Variants in NTN1 observed in about 807,000 individuals in gnomAD.
NTN1 encodes netrin-1.
Under a neutral mutation model 54.2 loss-of-function variants are expected in NTN1, and 11 were observed. That is an observed-to-expected ratio of 0.20 (90% CI 0.13 to 0.34). The LOEUF (loss-of-function observed/expected upper bound fraction) is 0.34, where lower values mean the gene tolerates loss of function less well. Among genes scored for constraint, NTN1 ranks in the 10% least tolerant of loss-of-function variants. The pLI is 1.00. For missense variants in NTN1, 740 were observed against 893.1 expected (o/e 0.83, Z 2.18); for synonymous variants, 371 against 382.0 (o/e 0.97, Z 0.33).
At chr17:9,007,809 G>T in the NTN1 span, among the ~76,000 whole-genome samples, 1 of 151,916 alleles carries the variant, frequency 6.6e-6, no homozygotes, top group Admixed American at 6.6e-5. Flanking sequence ...ATGCCTCATT[G>T]TAACCTCCAA....
rs867516302 is a variant in NTN1, at chr17:9,022,588, G to A, written c.215G>A (p.Arg72Gln). 3 of 1,545,720 alleles carry A rather than the reference G, an allele frequency of 1.9e-6. No individual in the cohort carries two copies. Among genetic ancestry groups the A allele is most frequent in the South Asian group, 1.2e-5 (1 of 84,132 alleles). Residue 72 changes from arginine to glutamine, a missense_variant, in exon 2 of 7, where the codon CGG (arginine) becomes CAG (glutamine). Coordinates refer to ENST00000173229, the MANE Select transcript of NTN1 (RefSeq NM_004822.3). ...GTGCGCGTGTCCAGCACCTGCGGCCGGCCCCCGGCGCGCTACTGCGTGGTG... is the reference window on the plus strand; with the variant it reads ...GTGCGCGTGTCCAGCACCTGCGGCCAGCCCCCGGCGCGCTACTGCGTGGTG... Reference protein sequence around the residue: ...KDVRVSSTCGRPPARYCVVSE... With the variant: ...KDVRVSSTCGQPPARYCVVSE...
chr17:9,209,059 C>G lies in NTN1; in HGVS notation c.1412-12109C>G, dbSNP rs1234244893. Among the ~76,000 whole-genome samples, 3 of 152,250 alleles carry G rather than the reference C, an allele frequency of 2.0e-5. No individual in the cohort carries two copies. The East Asian group carries it at 5.8e-4, about 29-fold the overall frequency. On this transcript the variant is annotated intron_variant, in intron 5 of 6. Coordinates refer to ENST00000173229, the MANE Select transcript of NTN1 (RefSeq NM_004822.3). ...CCTGGAGCCCATCACATGCAGTTGG[C>G]AGCACCTTCTCATCCTTCAGGACAC...
chr17:9,053,898 A>G (rs1343101324), intron 2 of NTN1, among the ~76,000 whole-genome samples: 2 of 152,194 alleles, frequency 1.3e-5, no homozygotes, highest in Non-Finnish European at 2.9e-5. Flanking sequence ...GGGCTCATGA[A>G]GGTGGGCCAT....
chr17:9,085,632 G>C (rs2142228191), intron 2 of NTN1, among the ~76,000 whole-genome samples: 1 of 152,320 alleles, frequency 6.6e-6, no homozygotes, highest in East Asian at 1.9e-4. Flanking sequence ...TCTAGCCTCA[G>C]TGACTTCGTC....
At chr17:9,150,884 C>T (rs1414284637) in intron 2 of NTN1, among the ~76,000 whole-genome samples, 1 of 152,208 alleles carries the variant, frequency 6.6e-6, no homozygotes, top group Admixed American at 6.5e-5. Flanking sequence ...GTGCCCGGCA[C>T]AGCGGGAGAA....
chr17:9,201,904 C>T (rs1214901005), intron 5 of NTN1, among the ~76,000 whole-genome samples: 6 of 151,166 alleles, frequency 4.0e-5, no homozygotes, highest in South Asian at 4.2e-4. Flanking sequence ...AATAAAAGAC[C>T]GGGCCGGGCG....
intron 2 of NTN1, among the ~76,000 whole-genome samples, chr17:9,060,334 T>G (rs925833082): frequency 1.3e-5 from 2 of 152,240 alleles, no homozygotes; most frequent in African/African-American, 4.8e-5. Flanking sequence ...CATGTTTTAT[T>G]GTAAGAATAC....
Position 9,023,132 on chromosome 17 carries a change from C to G in NTN1, c.759C>G (p.Arg253=). The change falls in exon 2 of 7, where the codon CGC becomes CGG. Residue 253 remains arginine, a synonymous_variant. Transcript: ENST00000173229. ...TATDIRVAFS[R]LHTFGDENED... is the part of the protein sequence containing the mutation. ...CAGACATCCGCGTGGCCTTCAGCCG[C>G]CTGCACACGTTCGGCGACGAGAACG... The G allele has an allele frequency of 6.4e-7, 1 of 1,564,738 alleles. No individual in the cohort carries two copies. Among genetic ancestry groups the G allele is most frequent in the Non-Finnish European group, 8.7e-7 (1 of 1,154,084 alleles).
Position 9,212,545 on chromosome 17 carries a change from G to A in NTN1, c.1412-8623G>A, listed in dbSNP as rs765847792. Among the ~76,000 whole-genome samples, 3 of 152,220 alleles carry A rather than the reference G, an allele frequency of 2.0e-5. No homozygotes were observed. The highest frequency in any genetic ancestry group is 2.9e-5 in the Non-Finnish European group (2 of 68,034). Reference sequence around the variant, plus strand: ...TGCTGGTGGGCAGAATGGCCCAGCCGAAATGGACAGAGCTGGCTGGGTGCC... The same window carrying A: ...TGCTGGTGGGCAGAATGGCCCAGCCAAAATGGACAGAGCTGGCTGGGTGCC... On this transcript the variant is annotated intron_variant, in intron 5 of 6. Transcript: ENST00000173229. The surrounding 1 kb of genome is among the most constrained non-coding windows in gnomAD (Gnocchi z 5.5).
chr17:9,040,498 C>T (rs1010212288), intron 2 of NTN1, among the ~76,000 whole-genome samples: 9 of 151,978 alleles, frequency 5.9e-5, no homozygotes, highest in East Asian at 1.9e-4. Context: ...CTTTTTAATT[C>T]GTTCTCACAG....
intron 2 of NTN1, among the ~76,000 whole-genome samples, chr17:9,113,929 G>C (rs548276576): frequency 6.6e-6 from 1 of 151,660 alleles, no homozygotes; most frequent in African/African-American, 2.4e-5. Flanking sequence ...TTGGGAGGCC[G>C]AGGTGGGCGG....
At chr17:9,049,514 C>T (rs2091952908) in intron 2 of NTN1, among the ~76,000 whole-genome samples, 1 of 152,156 alleles carries the variant, frequency 6.6e-6, no homozygotes, top group African/African-American at 2.4e-5. Context: ...GATATGATGG[C>T]CCAGGAAGAA....
At chr17:9,225,853 GA>G (rs1466767751) in intron 6 of NTN1, among the ~76,000 whole-genome samples, 1 of 152,248 alleles carries the variant, frequency 6.6e-6, no homozygotes, top group Non-Finnish European at 1.5e-5. Context: ...AGCCGCTAAT[GA>G]GAACCTGGGG....
intron 2 of NTN1, among the ~76,000 whole-genome samples, chr17:9,101,465 C>T (rs763016557): frequency 6.6e-5 from 10 of 152,176 alleles, no homozygotes; most frequent in Non-Finnish European, 1.3e-4. Context: ...TTTGTATCTG[C>T]CACTGCCAAC....
chr17:9,140,628 C>T (rs192170617), intron 2 of NTN1, among the ~76,000 whole-genome samples: 1 of 152,246 alleles, frequency 6.6e-6, no homozygotes, highest in East Asian at 1.9e-4. Context: ...GTGAAAAGTC[C>T]AACAGGAGTT....
In NTN1 at chr17:9,183,200, C is replaced by T. The variant is rs576030790; in HGVS notation, c.1411+231C>T. On this transcript the variant is annotated intron_variant, in intron 5 of 6. Coordinates refer to ENST00000173229, the MANE Select transcript of NTN1 (RefSeq NM_004822.3). ...GAGGAGATTTTAATGATGCCTCTCT[C>T]CCAAGCCTGGAACCCTAAAAACTGA... is the stretch of plus-strand genomic sequence containing the variant. 66 of 691,852 alleles carry T rather than the reference C, an allele frequency of 9.5e-5. No homozygotes were observed. In the African/African-American group the frequency reaches 1.0e-3, roughly 11 times the overall value. The allele number at this position is 691,852 out of a possible 1,614,324, so 42.9% of individuals were successfully genotyped here. A position where few individuals can be genotyped will look rare whatever the true frequency, so the allele number is the denominator to read the frequency against.
chr17:9,008,017 G>T, the NTN1 span, among the ~76,000 whole-genome samples: 2 of 151,964 alleles, frequency 1.3e-5, no homozygotes, highest in Non-Finnish European at 2.9e-5. Context: ...TACTGGAATG[G>T]CAGGTGTGAG....
At chr17:9,039,955 T>C (rs1230585399) in intron 2 of NTN1, among the ~76,000 whole-genome samples, 1 of 152,248 alleles carries the variant, frequency 6.6e-6, no homozygotes, top group Non-Finnish European at 1.5e-5. Context: ...AACATTCTTT[T>C]AGAAGTCTTT....
chr17:9,226,162 C>CGGGGGG (rs71135953), intron 6 of NTN1, among the ~76,000 whole-genome samples: 2 of 116,518 alleles, frequency 1.7e-5, no homozygotes, highest in Admixed American at 1.7e-4. Flanking sequence ...GATTTGGGGT[C>CGGGGGG]GGGGGGGGGC....
Sources: allele counts gnomAD v4.1 joint callset (sites outside exome capture counted in the v4.1 genomes callset), GRCh38; gene constraint gnomAD v4.1.1; non-coding constraint Gnocchi (gnomAD v3.1); transcripts MANE v1.5; gene names NCBI Gene and HGNC (gene_info 2026-07-23, HGNC 2026-07-21).